The following PRDM8 variants were observed in gnomAD, a reference collection of about 807,000 sequenced individuals.
The protein encoded by PRDM8 is PR domain zinc finger protein 8.
Under a neutral mutation model 46.5 loss-of-function variants are expected in PRDM8, and 13 were observed. The observed-to-expected ratio is 0.28, with a 90% CI of 0.18 to 0.44. PRDM8 has a LOEUF of 0.44. Ranked by LOEUF, PRDM8 falls within the 20% of genes least tolerant of loss-of-function variation. The pLI, the probability that PRDM8 is intolerant of heterozygous loss-of-function variation, is 1.00. For missense variants in PRDM8, 998 were observed against 955.0 expected, an observed-to-expected ratio of 1.04 and a Z score of -0.59; for synonymous variants, 473 against 438.4, an observed-to-expected ratio of 1.08 and a Z score of -0.98.
At position 80,203,247 on chromosome 4, in the gene PRDM8, G is replaced by A. The variant is rs1282781237; in HGVS notation, c.1785G>A (p.Ala595=). 4 of 1,556,966 alleles carry A rather than the reference G, an allele frequency of 2.6e-6. No homozygotes were observed. Among genetic ancestry groups the A allele is most frequent in the Admixed American group, 3.9e-5 (2 of 50,762 alleles). The change falls in exon 4 of 4, where the codon GCG becomes GCA. Residue 595 remains alanine, a synonymous_variant. Transcript: ENST00000415738. ...CTGCCGCTGCAGCCGCGGCTGCGGCGGCGGCCGCGGGGCCCTTGCAGCTGC... is the reference window on the plus strand; with the variant it reads ...CTGCCGCTGCAGCCGCGGCTGCGGCAGCGGCCGCGGGGCCCTTGCAGCTGC... The part of the protein sequence containing the change: ...SSAAAAAAAA[A]AAAGPLQLQL...
chr4:80,196,583 C>T (rs920476467), upstream of PRDM8: 2 of 985,456 alleles, frequency 2.0e-6, no homozygotes, highest in Non-Finnish European at 2.4e-6. Flanking sequence ...ATGTGAAAAG[C>T]TTTCCGGAGC....
At chr4:80,193,789 GT>G (rs199523468), upstream of PRDM8, among the ~76,000 whole-genome samples, 2,890 of 152,180 alleles carry the variant, frequency 0.019, 68 homozygotes, top group African/African-American at 0.06. Flanking sequence ...CAGTGTGTGG[GT>G]TTTTTCCCCC....
At chr4:80,200,729 T>C (rs1738380519) in intron 2 of PRDM8, among the ~76,000 whole-genome samples, 1 of 151,964 alleles carries the variant, frequency 6.6e-6, no homozygotes, top group Non-Finnish European at 1.5e-5. Context: ...TATTAGCTAG[T>C]GCCCAGAGTT....
rs1429776199 is a variant in PRDM8, at chr4:80,197,864, AG to A, written c.-3+102del. 6 of 909,824 alleles carry A rather than the reference AG, an allele frequency of 6.6e-6. No individual in the cohort carries two copies. The African/African-American group carries it at 1.1e-4, about 16-fold the overall frequency. 56.4% of individuals were successfully genotyped at this position (909,824 alleles called of 1,614,324 possible). On this transcript the variant is annotated intron_variant, in intron 1 of 3. Transcript: ENST00000415738. ...TCCGTCTCCTTATTATCCAGAAGAG[AG>A]AGAAAAATAATTCTTGAGGGGCTGT...
In PRDM8 at chr4:80,202,599, C is replaced by A. The variant is rs144810863; in HGVS notation, c.1137C>A (p.Gly379=). 1,341 of 1,532,508 alleles carry A rather than the reference C, an allele frequency of 8.8e-4. 8 individuals are homozygous for A. The African/African-American group carries it at 0.015, about 18-fold the overall frequency. 94.9% of individuals were successfully genotyped at this position (1,532,508 alleles called of 1,614,324 possible). Residue 379 remains glycine (G), a synonymous_variant, in exon 4 of 4, where the codon GGC becomes GGA. Transcript: ENST00000415738. ...TCGCGCCGCCAAGTCCCGAGACGGG[C>A]GAGGCGAAGCGCAGCGCCTTCGTGG... is the stretch of plus-strand genomic sequence containing the variant. ...RLFAPPSPET[G]EAKRSAFVEV...
chr4:80,203,499 C>T lies in PRDM8; in HGVS notation c.2037C>T (p.His679=). The T allele has an allele frequency of 6.2e-7, 1 of 1,612,976 alleles. No individual in the cohort carries two copies. Among genetic ancestry groups the T allele is most frequent in the Non-Finnish European group, 8.5e-7 (1 of 1,179,550 alleles). Residue 679 remains histidine, a synonymous_variant, in exon 4 of 4, where the codon CAC becomes CAT. Transcript: ENST00000415738. The part of the protein sequence containing the change: ...PICNESFRER[H]HLSRHMTSHN The stretch of plus-strand genomic sequence containing the variant: ...GCAATGAGTCCTTCAGGGAGCGCCA[C>T]CACCTCTCCAGGCACATGACCTCGC...
Position 80,202,042 on chromosome 4 carries a change from G to C in PRDM8, c.580G>C (p.Gly194Arg). 6.2e-7 allele frequency: 1 copy of C among 1,614,094 alleles called. No individual in the cohort carries two copies. Among genetic ancestry groups the C allele is most frequent in the Non-Finnish European group, 8.5e-7 (1 of 1,180,002 alleles). ...SADISPQDEQGGGVGTKDHGG... is the reference protein window; with the variant it reads ...SADISPQDEQRGGVGTKDHGG... ...TGATATAAGTCCCCAAGACGAACAA[G>C]GCGGCGGCGTGGGCACCAAGGACCA... The change falls in exon 4 of 4, where the codon GGC (glycine) becomes CGC (arginine). Residue 194 changes from glycine to arginine, a missense_variant. Physicochemically the swap from Gly to Arg is moderately radical, Grantham distance 125. Coordinates refer to ENST00000415738, the MANE Select transcript of PRDM8 (RefSeq NM_001099403.2).
chr4:80,203,218 TCCGCTGCCGCTGCAGCCGCGGCTGCGG>T lies in PRDM8; in HGVS notation c.1758_1784del (p.Ala590_Ala598del). 1 of 1,551,668 alleles carries T rather than the reference TCCGCTGCCGCTGCAGCCGCGGCTGCGG, an allele frequency of 6.4e-7. No individual in the cohort carries two copies. The highest frequency in any genetic ancestry group is 8.7e-7 in the Non-Finnish European group (1 of 1,150,336). On this transcript the variant is annotated inframe_deletion, in exon 4 of 4. Coordinates refer to ENST00000415738, the MANE Select transcript of PRDM8 (RefSeq NM_001099403.2). Reference sequence around the variant, plus strand: ...CGCCACCGCCTTCTGGCCCAAGAGCTCCGCTGCCGCTGCAGCCGCGGCTGCGGCGGCGGCCGCGGGGCCCTTGCAGCT... The same window carrying T: ...CGCCACCGCCTTCTGGCCCAAGAGCTCGGCGGCCGCGGGGCCCTTGCAGCT...
intron 1 of PRDM8, among the ~76,000 whole-genome samples, chr4:80,187,828 C>T (rs1026398303): frequency 2.0e-5 from 3 of 152,174 alleles, no homozygotes; most frequent in East Asian, 1.9e-4. Flanking sequence ...TCCTATAGAG[C>T]CCCAAATGCC....
chr4:80,192,955 T>G (rs1737664159), upstream of PRDM8, among the ~76,000 whole-genome samples: 1 of 152,188 alleles, frequency 6.6e-6, no homozygotes, highest in Admixed American at 6.5e-5. Flanking sequence ...CATTCTCAGC[T>G]GAACTCCAAC....
intron 1 of PRDM8, among the ~76,000 whole-genome samples, chr4:80,188,076 CACCTAACT>C (rs1438324164): frequency 1.3e-5 from 2 of 152,196 alleles, no homozygotes; most frequent in Admixed American, 1.3e-4. Context: ...CCACAAGGGT[CACCTAACT>C]TTCTACCACA....
At chr4:80,196,966 G>A (rs1359680295), upstream of PRDM8, 1 of 985,314 alleles carries the variant, frequency 1.0e-6, no homozygotes, top group Admixed American at 6.1e-5. Flanking sequence ...TTTGCAGGGG[G>A]AAGCTTGGTA....
rs1738457881 is a variant in PRDM8, at chr4:80,201,641, G to C, written c.451+120G>C. The C allele has an allele frequency of 1.0e-5, 11 of 1,067,440 alleles. No homozygotes were observed. The South Asian group carries it at 1.5e-4, about 15-fold the overall frequency. 66.1% of individuals were successfully genotyped at this position (1,067,440 alleles called of 1,614,324 possible). A position where few individuals can be genotyped will look rare whatever the true frequency, so the allele number is the denominator to read the frequency against. On this transcript the variant is annotated intron_variant, in intron 3 of 3. Coordinates refer to ENST00000415738, the MANE Select transcript of PRDM8 (RefSeq NM_001099403.2). ...CTTCCCTTCGGGTGTCTCATAGGAA[G>C]ATTCTGAGATGTAGTCTGGAATGAA... is the stretch of plus-strand genomic sequence containing the variant.
upstream of PRDM8, chr4:80,196,669 A>G (rs1737983702): frequency 3.1e-6 from 3 of 961,192 alleles, no homozygotes; most frequent in Non-Finnish European, 3.7e-6. Flanking sequence ...AACAGTACCC[A>G]TTATAGACTC....
chr4:80,203,226 CGCTGCAGCCGCGGCTGCG>C lies in PRDM8; in HGVS notation c.1767_1784del (p.Ala593_Ala598del). 6.4e-7 allele frequency: 1 copy of C among 1,554,176 alleles called. No individual in the cohort carries two copies. The highest frequency in any genetic ancestry group is 2.4e-5 in the East Asian group (1 of 41,504). On this transcript the variant is annotated inframe_deletion, in exon 4 of 4. Coordinates refer to ENST00000415738, the MANE Select transcript of PRDM8 (RefSeq NM_001099403.2). Reference sequence around the variant, plus strand: ...CCTTCTGGCCCAAGAGCTCCGCTGCCGCTGCAGCCGCGGCTGCGGCGGCGGCCGCGGGGCCCTTGCAGC... The same window carrying C: ...CCTTCTGGCCCAAGAGCTCCGCTGCCGCGGCGGCCGCGGGGCCCTTGCAGC...
chr4:80,203,738 ACC>A lies in PRDM8; in HGVS notation c.*214_*215del, dbSNP rs553037634. ...ATTCAAATATTTACCCGGGACACACACCCCCCCCCACACACACACACAGACAC... is the reference window on the plus strand; with the variant it reads ...ATTCAAATATTTACCCGGGACACACACCCCCCCACACACACACACAGACAC... On this transcript the variant is annotated 3_prime_UTR_variant, in exon 4 of 4. Transcript: ENST00000415738. 651 of 368,942 alleles carry A rather than the reference ACC, an allele frequency of 1.8e-3. 3 individuals are homozygous for A. Among genetic ancestry groups the A allele is most frequent in the East Asian group, 7.6e-3 (150 of 19,754 alleles). 22.9% of individuals were successfully genotyped at this position (368,942 alleles called of 1,614,324 possible). A position where few individuals can be genotyped will look rare whatever the true frequency, so the allele number is the denominator to read the frequency against.
rs905943787 is a variant in PRDM8 at position 80,190,642 on chromosome 4, C to A, written c.-982-830C>A. On this transcript the variant is annotated intron_variant, in intron 1 of 9. Coordinates refer to the PRDM8 transcript ENST00000339711. ...GAAGTCCGTGATTTGGCCTTCTCTG[C>A]ACTCTTAGTTCTGTCGCTGTACCTT... is the stretch of plus-strand genomic sequence containing the variant. 2.0e-5 allele frequency among the ~76,000 whole-genome samples: 3 copies of A among 152,228 alleles called. No homozygotes were observed. The East Asian group carries it at 5.8e-4, about 29-fold the overall frequency.
At chr4:80,201,237 G>C in intron 2 of PRDM8, 53 bp from the exon 3 acceptor site, 1 of 1,497,720 alleles carries the variant, frequency 6.7e-7, no homozygotes, top group South Asian at 1.1e-5. Flanking sequence ...TCCCTCATGA[G>C]GGTCCCTCTC....
At chr4:80,200,750 T>TA in intron 2 of PRDM8, among the ~76,000 whole-genome samples, 1 of 150,532 alleles carries the variant, frequency 6.6e-6, no homozygotes, top group Admixed American at 6.7e-5. Context: ...TGTATTTAAA[T>TA]AAAAATGTTT....
Sources: allele counts gnomAD v4.1 joint callset (sites outside exome capture counted in the v4.1 genomes callset), GRCh38; gene constraint gnomAD v4.1.1; transcripts MANE v1.5; gene names NCBI Gene and HGNC (gene_info 2026-07-23, HGNC 2026-07-21).